Variants in HENMT1 observed in about 807,000 individuals in gnomAD.
The protein encoded by HENMT1 is small RNA 2'-O-methyltransferase.
HENMT1 carries 27 observed loss-of-function variants against 31.1 expected under a neutral mutation model. The ratio of observed to expected loss-of-function variants is 0.87; its 90% confidence interval spans 0.64 to 1.20. HENMT1 has a LOEUF of 1.20. HENMT1 is among the 50% of genes most tolerant of loss of function. The pLI, the probability that HENMT1 is intolerant of heterozygous loss-of-function variation, is 0.00. For synonymous variants in HENMT1, 167 were observed against 172.2 expected (o/e 0.97, Z 0.24); for missense variants, 438 against 469.6 (o/e 0.93, Z 0.62).
chr1:108,659,653 T>C (rs569748046), intron 2 of HENMT1, among the ~76,000 whole-genome samples: 2 of 152,342 alleles, frequency 1.3e-5, no homozygotes, highest in South Asian at 4.1e-4. Flanking sequence ...ATTTTGCTAC[T>C]TTAACACCTA....
intron 5 of HENMT1, among the ~76,000 whole-genome samples, chr1:108,651,712 CAGAA>C (rs137985510): frequency 6.8e-4 from 91 of 133,424 alleles, no homozygotes; most frequent in African/African-American, 2.4e-3. Context: ...GAGAGACAGA[CAGAA>C]AGAAAGAGAA....
rs995644941 is a variant in HENMT1 at position 108,660,760 on chromosome 1, T to C, written c.-79+203A>G. Among the ~76,000 whole-genome samples, 5 of 151,186 alleles carry C rather than the reference T, an allele frequency of 3.3e-5. No homozygotes were observed. The East Asian group carries it at 9.7e-4, about 29-fold the overall frequency. ...TAAAACGGTGAAACCCCGTCTCTAC[T>C]AAAAATACAAAAAATTAGCCGGGCG... is the stretch of plus-strand genomic sequence containing the variant. On this transcript the variant is annotated intron_variant, in intron 1 of 7. Transcript: ENST00000651461.
chr1:108,660,234 T>C (rs1379387187), intron 1 of HENMT1, among the ~76,000 whole-genome samples: 1 of 151,750 alleles, frequency 6.6e-6, no homozygotes, highest in Non-Finnish European at 1.5e-5. Context: ...TACCATTTAA[T>C]CCACAGAATG....
intron 5 of HENMT1, among the ~76,000 whole-genome samples, chr1:108,653,282 C>T (rs557662275): frequency 6.6e-5 from 10 of 152,262 alleles, no homozygotes; most frequent in Non-Finnish European, 1.2e-4. Flanking sequence ...TCCCAAAGTG[C>T]TGGGATTACA....
intron 3 of HENMT1, among the ~76,000 whole-genome samples, chr1:108,656,609 G>C (rs1389807519): frequency 6.6e-6 from 1 of 152,136 alleles, no homozygotes; most frequent in African/African-American, 2.4e-5. Context: ...AGCCTCCTGA[G>C]TAACTGGGAC....
At chr1:108,651,991 TAATG>T (rs1658071735) in intron 5 of HENMT1, among the ~76,000 whole-genome samples, 1 of 152,190 alleles carries the variant, frequency 6.6e-6, no homozygotes, top group African/African-American at 2.4e-5. Context: ...CTGAATCTGA[TAATG>T]AGGAGACACT....
chr1:108,655,496 AAAAC>A (rs1658203834), intron 4 of HENMT1, 86 bp downstream of exon 4: 1 of 734,700 alleles, frequency 1.4e-6, no homozygotes. Flanking sequence ...CCAATCTTTT[AAAAC>A]AAATATAAAA....
chr1:108,654,760 T>G lies in HENMT1; in HGVS notation c.354A>C (p.Arg118Ser). The change falls in exon 5 of 8, where the codon AGA (arginine) becomes AGC (serine). Residue 118 changes from arginine to serine, a missense_variant. Coordinates refer to ENST00000651461, the MANE Select transcript of HENMT1 (RefSeq NM_001102592.2). ...ITLYHGSVVERDSRLLGFDLI... is the reference protein window; with the variant it reads ...ITLYHGSVVESDSRLLGFDLI... ...AGTCAAATCCAAGCAAACGAGAGTC[T>G]CTCTCCACAACGGAGCCATGATACA... 1 of 1,614,054 alleles carries G rather than the reference T, an allele frequency of 6.2e-7. No individual in the cohort carries two copies. Among genetic ancestry groups the G allele is most frequent in the Non-Finnish European group, 8.5e-7 (1 of 1,179,950 alleles).
chr1:108,659,558 C>A (rs530898228), intron 2 of HENMT1, among the ~76,000 whole-genome samples: 1 of 152,292 alleles, frequency 6.6e-6, no homozygotes, highest in Admixed American at 6.5e-5. Context: ...CCTCCTTAAA[C>A]AGAATCTGCA....
chr1:108,657,356 GAA>G (rs751532839), intron 3 of HENMT1, 93 bp downstream of exon 3: 94 of 865,728 alleles, frequency 1.1e-4, no homozygotes, highest in Non-Finnish European at 1.6e-4. Context: ...TAACCCCTGT[GAA>G]AAGTCTCTCC....
chr1:108,659,956 G>A lies in HENMT1; in HGVS notation c.-72C>T. ...AGCTCTATTTGAGAGAATCAGCACT[G>A]ACTCAGCTGTAATAAATACAAAACC... On this transcript the variant is annotated 5_prime_UTR_variant, in exon 2 of 8. It introduces an in-frame stop codon into an upstream open reading frame of the 5' UTR. Transcript: ENST00000651461. 1 of 1,520,694 alleles carries A rather than the reference G, an allele frequency of 6.6e-7. No individual in the cohort carries two copies. Among genetic ancestry groups the A allele is most frequent in the Non-Finnish European group, 8.8e-7 (1 of 1,136,964 alleles). The allele number at this position is 1,520,694 out of a possible 1,614,324, so 94.2% of individuals were successfully genotyped here. A position where few individuals can be genotyped will look rare whatever the true frequency, so the allele number is the denominator to read the frequency against.
In HENMT1 at chr1:108,655,635, CA is replaced by C; in HGVS notation, c.213del (p.Ile71MetfsTer7). 1 of 1,612,082 alleles carries C rather than the reference CA, an allele frequency of 6.2e-7. No homozygotes were observed. The highest frequency in any genetic ancestry group is 1.1e-5 in the South Asian group (1 of 90,696). Reference sequence around the variant, plus strand: ...TTAATATCTACTCCAACAAGCAATTCAATGCATGGATTGACTTTTAGCAGCC... The same window carrying C: ...TTAATATCTACTCCAACAAGCAATTCATGCATGGATTGACTTTTAGCAGCC... ...LLRLLKVNPC[I>X]ELLVGVDINE... On this transcript the variant is annotated frameshift_variant, in exon 4 of 8. Transcript: ENST00000651461. LOFTEE classifies it high-confidence loss of function.
At chr1:108,657,069 A>G (rs559998855) in intron 3 of HENMT1, among the ~76,000 whole-genome samples, 1 of 152,328 alleles carries the variant, frequency 6.6e-6, no homozygotes, top group South Asian at 2.1e-4. Context: ...TCAAATGATT[A>G]TCATGAATAC....
intron 1 of HENMT1, among the ~76,000 whole-genome samples, chr1:108,660,706 C>T (rs1658430862): frequency 6.6e-6 from 1 of 151,946 alleles, no homozygotes; most frequent in Admixed American, 6.6e-5. Flanking sequence ...GGGCGGATCA[C>T]GAGGTCAGGA....
At chr1:108,650,179 G>A (rs1219830628) in intron 7 of HENMT1, 32 bp downstream of exon 7, 2 of 1,597,944 alleles carry the variant, frequency 1.3e-6, no homozygotes, top group African/African-American at 2.7e-5. Flanking sequence ...TGTATCTCTA[G>A]CCCTGATAGC....
chr1:108,659,816 G>T, intron 2 of HENMT1, 48 bp downstream of exon 2: 1 of 1,155,970 alleles, frequency 8.7e-7, no homozygotes, highest in Non-Finnish European at 1.3e-6. Context: ...ATACATCCAG[G>T]TGATAATTCT....
At chr1:108,650,133 G>A (rs1434480551) in intron 7 of HENMT1, 78 bp downstream of exon 7, 8 of 1,264,936 alleles carry the variant, frequency 6.3e-6, no homozygotes, top group Non-Finnish European at 9.2e-6. Flanking sequence ...CTCTACTTTG[G>A]GGATTCTTAC....
intron 2 of HENMT1, among the ~76,000 whole-genome samples, chr1:108,658,133 A>T (rs34608477): frequency 0.054 from 7,239 of 134,178 alleles, 265 homozygotes; most frequent in African/African-American, 0.11. Context: ...ATATATATAT[A>T]TTTTTTTTTT....
At chr1:108,656,573 C>G (rs1658250523) in intron 3 of HENMT1, among the ~76,000 whole-genome samples, 1 of 152,166 alleles carries the variant, frequency 6.6e-6, no homozygotes, top group Non-Finnish European at 1.5e-5. Flanking sequence ...CCTCAACCTC[C>G]TGGGCTCAAG....
Sources: allele counts gnomAD v4.1 joint callset (sites outside exome capture counted in the v4.1 genomes callset), GRCh38; gene constraint gnomAD v4.1.1; transcripts MANE v1.5; gene names NCBI Gene and HGNC (gene_info 2026-07-23, HGNC 2026-07-21).